The following TXK variants were observed in gnomAD, a reference collection of about 807,000 sequenced individuals.
TXK encodes tyrosine-protein kinase TXK.
A neutral mutation model predicts 81.0 loss-of-function variants in TXK; 60 were observed. The ratio of observed to expected loss-of-function variants is 0.74; its 90% CI spans 0.60 to 0.92. The LOEUF is 0.92. Ranked by LOEUF, TXK falls within the 40% of genes least tolerant of loss-of-function variation. The pLI is 0.00. For missense variants in TXK, 581 were observed against 638.3 expected, an observed-to-expected ratio of 0.91 and a Z score of 0.97; for synonymous variants, 203 against 210.7, an observed-to-expected ratio of 0.96 and a Z score of 0.32.
intron 11 of TXK, among the ~76,000 whole-genome samples, chr4:48,079,039 G>C (rs1717187539): frequency 6.6e-6 from 1 of 152,204 alleles, no homozygotes; most frequent in South Asian, 2.1e-4. Context: ...CATATTTAGA[G>C]TAAAGCCTTA....
chr4:48,097,608 T>C (rs534461094), intron 6 of TXK, among the ~76,000 whole-genome samples: 4 of 151,900 alleles, frequency 2.6e-5, no homozygotes. Context: ...CAGCTAATTT[T>C]TGTATTTTTA....
intron 10 of TXK, among the ~76,000 whole-genome samples, chr4:48,081,998 T>C (rs1717320147): frequency 6.6e-6 from 1 of 152,208 alleles, no homozygotes; most frequent in South Asian, 2.1e-4. Context: ...CCTGAAACAA[T>C]TCTCCTCTTT....
chr4:48,115,858 A>G (rs956651930), intron 1 of TXK, among the ~76,000 whole-genome samples: 1 of 152,172 alleles, frequency 6.6e-6, no homozygotes, highest in Non-Finnish European at 1.5e-5. Flanking sequence ...CTGTCAAAAA[A>G]AAAACATAAA....
intron 1 of TXK, among the ~76,000 whole-genome samples, chr4:48,130,914 T>G (rs1719232735): frequency 6.6e-6 from 1 of 152,170 alleles, no homozygotes; most frequent in African/African-American, 2.4e-5. Context: ...ACCCCAGGCA[T>G]GCTTCAGGCA....
At chr4:48,129,219 C>T (rs551361120) in intron 1 of TXK, among the ~76,000 whole-genome samples, 1 of 152,230 alleles carries the variant, frequency 6.6e-6, no homozygotes, top group South Asian at 2.1e-4. Flanking sequence ...CACGTGTGTG[C>T]ACTTTTCCTT....
chr4:48,069,836 C>T (rs973261764), intron 14 of TXK, among the ~76,000 whole-genome samples: 8 of 152,228 alleles, frequency 5.3e-5, no homozygotes, highest in Middle Eastern at 3.4e-3. Context: ...TTATTTCATA[C>T]ACAACATATA....
chr4:48,116,065 T>TTC (rs1448226256), intron 1 of TXK, among the ~76,000 whole-genome samples: 2 of 152,156 alleles, frequency 1.3e-5, no homozygotes, highest in East Asian at 3.9e-4. Context: ...GTCCCTTTAC[T>TTC]TCTCTAAGTC....
At chr4:48,133,543 T>C (rs1719298407) in intron 1 of TXK, among the ~76,000 whole-genome samples, 1 of 152,102 alleles carries the variant, frequency 6.6e-6, no homozygotes, top group Non-Finnish European at 1.5e-5. Context: ...TAAGAATCAG[T>C]TTTGCCTAAA....
chr4:48,097,906 C>A (rs1323374999), intron 6 of TXK, among the ~76,000 whole-genome samples: 2 of 151,318 alleles, frequency 1.3e-5, no homozygotes, highest in South Asian at 2.1e-4. Context: ...CGTCACCACG[C>A]CCAGCTAATT....
At chr4:48,097,012 A>G in intron 6 of TXK, among the ~76,000 whole-genome samples, 1 of 152,324 alleles carries the variant, frequency 6.6e-6, no homozygotes, top group East Asian at 1.9e-4. Flanking sequence ...AGCATATTCA[A>G]CTCAAGAAAT....
intron 1 of TXK, among the ~76,000 whole-genome samples, chr4:48,127,123 A>T (rs544949847): frequency 7.9e-5 from 12 of 152,350 alleles, no homozygotes; most frequent in Middle Eastern, 3.4e-3. Flanking sequence ...CAGGAAGGCA[A>T]ACCACTGCTT....
At chr4:48,130,119 T>C (rs1352523446) in intron 1 of TXK, among the ~76,000 whole-genome samples, 1 of 152,196 alleles carries the variant, frequency 6.6e-6, no homozygotes, top group Admixed American at 6.5e-5. Flanking sequence ...CTAGTGTCCA[T>C]TTTAATCTTT....
intron 1 of TXK, among the ~76,000 whole-genome samples, chr4:48,126,621 C>G (rs1719097306): frequency 1.3e-5 from 2 of 152,156 alleles, no homozygotes; most frequent in South Asian, 4.1e-4. Context: ...CTGCCTCAGC[C>G]TCCCAAGTAG....
At chr4:48,084,494 TA>T (rs1328726138) in intron 10 of TXK, among the ~76,000 whole-genome samples, 2 of 152,230 alleles carry the variant, frequency 1.3e-5, no homozygotes, top group Non-Finnish European at 2.9e-5. Flanking sequence ...AACATGTTTT[TA>T]ACTCTCCCTG....
chr4:48,106,340 G>A (rs549804331), intron 5 of TXK, among the ~76,000 whole-genome samples: 51 of 151,880 alleles, frequency 3.4e-4, no homozygotes, highest in Non-Finnish European at 6.3e-4. Context: ...CAAGAGCACA[G>A]TATTTCAGAA....
intron 10 of TXK, among the ~76,000 whole-genome samples, chr4:48,084,474 T>C (rs1297622652): frequency 3.9e-5 from 6 of 152,226 alleles, no homozygotes; most frequent in Admixed American, 1.3e-4. Context: ...TCTTGTTTGA[T>C]AGACAGTCAA....
At chr4:48,115,160 C>T (rs1044650259) in intron 1 of TXK, among the ~76,000 whole-genome samples, 4 of 152,068 alleles carry the variant, frequency 2.6e-5, no homozygotes, top group Non-Finnish European at 1.5e-5. Context: ...TTTTAAGCCC[C>T]GCATGCATTA....
intron 10 of TXK, among the ~76,000 whole-genome samples, chr4:48,085,105 T>G (rs1351752368): frequency 6.6e-6 from 1 of 152,180 alleles, no homozygotes; most frequent in Non-Finnish European, 1.5e-5. Context: ...GAATGTTAAT[T>G]TGAACTATGG....
intron 5 of TXK, 68 bp from the exon 6 acceptor site, chr4:48,105,023 T>A: frequency 8.6e-7 from 1 of 1,160,356 alleles, no homozygotes; most frequent in Non-Finnish European, 1.2e-6. Context: ...GTGCTTCATT[T>A]TCTTCATTTT....
Sources: allele counts gnomAD v4.1 joint callset (sites outside exome capture counted in the v4.1 genomes callset), GRCh38; gene constraint gnomAD v4.1.1; transcripts MANE v1.5; gene names NCBI Gene and HGNC (gene_info 2026-07-23, HGNC 2026-07-21).